The following SQOR variants were observed in gnomAD, a reference collection of about 807,000 sequenced individuals.
SQOR encodes sulfide:quinone oxidoreductase, mitochondrial.
Under a neutral mutation model 48.6 loss-of-function variants are expected in SQOR, and 39 were observed. The ratio of observed to expected loss-of-function variants is 0.80; its 90% CI spans 0.62 to 1.05. The LOEUF is 1.05. SQOR is among the 50% of genes least tolerant of loss of function. The probability of loss-of-function intolerance (pLI) is 0.00; values close to 1 mark genes in which losing one functional copy is unlikely to be tolerated. For missense variants in SQOR, 561 were observed against 559.9 expected (o/e 1.00, Z -0.02); for synonymous variants, 220 against 206.2 (o/e 1.07, Z -0.57).
intron 3 of SQOR, among the ~76,000 whole-genome samples, chr15:45,666,730 C>T (rs1179577374): frequency 7.5e-6 from 1 of 133,430 alleles, no homozygotes; most frequent in African/African-American, 2.8e-5. Flanking sequence ...TTTTCCTCTC[C>T]CCTCCCCTTC....
Position 45,690,993 on chromosome 15 carries a change from C to T in SQOR, c.1316C>T (p.Ala439Val), listed in dbSNP as rs1454224569. The T allele has an allele frequency of 5.0e-6, 8 of 1,614,132 alleles. No homozygotes were observed. Among genetic ancestry groups the T allele is most frequent in the South Asian group, 1.1e-5 (1 of 91,074 alleles). Residue 439 changes from alanine to valine, a missense_variant, in exon 10 of 10, where the codon GCG becomes GTG. Transcript: ENST00000260324. ...TACAGGGGTTACTGGGGAGGACCAG[C>T]GTTTCTGCGCAAGTTGTTTCATCTA... ...MMLRGYWGGP[A>V]FLRKLFHLGM...
At chr15:45,650,583 C>A (rs933602445) in intron 1 of SQOR, among the ~76,000 whole-genome samples, 1 of 152,228 alleles carries the variant, frequency 6.6e-6, no homozygotes, top group Admixed American at 6.5e-5. Context: ...ACTGCCACCG[C>A]TCGCTCGGGC....
intron 3 of SQOR, among the ~76,000 whole-genome samples, chr15:45,668,499 A>G (rs1566920453): frequency 6.6e-6 from 1 of 152,204 alleles, no homozygotes; most frequent in Admixed American, 6.5e-5. Flanking sequence ...CCTCATGCAC[A>G]CTATGCTGGG....
upstream of SQOR, among the ~76,000 whole-genome samples, chr15:45,632,329 C>T (rs1194935336): frequency 6.6e-6 from 1 of 151,884 alleles, no homozygotes. Flanking sequence ...AAGCAATTCT[C>T]CTGCCTCAGC....
chr15:45,666,184 GCTACTCATCTTTA>G (rs1889813366), intron 3 of SQOR, among the ~76,000 whole-genome samples: 1 of 152,116 alleles, frequency 6.6e-6, no homozygotes, highest in Non-Finnish European at 1.5e-5. Flanking sequence ...CTAGCTAACT[GCTACTCATCTTTA>G]GCTTCGATAT....
Position 45,682,593 on chromosome 15 carries a change from G to A in SQOR, c.980G>A (p.Arg327Lys), listed in dbSNP as rs940064294. 1.9e-6 allele frequency: 3 copies of A among 1,614,062 alleles called. No homozygotes were observed. Among genetic ancestry groups the A allele is most frequent in the Admixed American group, 3.3e-5 (2 of 59,988 alleles). ...DVDKETLQHR[R>K]YPNVFGIGDC... ...GATAAAGAAACTCTGCAACACAGGA[G>A]GTACCCAAATGTGTTTGGGATTGGG... The change falls in exon 7 of 10, where the codon AGG becomes AAG. Residue 327 changes from arginine (R) to lysine (K), a missense_variant. By Grantham distance (26) the Arg-to-Lys change is conservative. Transcript: ENST00000260324.
At chr15:45,654,031 G>C (rs1278471457) in intron 1 of SQOR, among the ~76,000 whole-genome samples, 2 of 151,034 alleles carry the variant, frequency 1.3e-5, no homozygotes, top group African/African-American at 2.4e-5. Flanking sequence ...CTGAAATGGG[G>C]AAATCGCTTG....
chr15:45,648,885 G>C (rs1427830379), intron 1 of SQOR, among the ~76,000 whole-genome samples: 2 of 152,354 alleles, frequency 1.3e-5, no homozygotes, highest in Non-Finnish European at 2.9e-5. Context: ...GGTTGGCCCT[G>C]TGGTTATTGA....
At chr15:45,685,349 C>T (rs1890204013) in intron 7 of SQOR, among the ~76,000 whole-genome samples, 1 of 152,146 alleles carries the variant, frequency 6.6e-6, no homozygotes, top group Non-Finnish European at 1.5e-5. Flanking sequence ...TACTTGCCAC[C>T]AATCCTCTGT....
At position 45,659,043 on chromosome 15, in the gene SQOR, C is replaced by T; in HGVS notation, c.120C>T (p.Ala40=). Residue 40 remains alanine, a synonymous_variant, in exon 2 of 10, where the codon GCC becomes GCT. Coordinates refer to ENST00000260324, the MANE Select transcript of SQOR (RefSeq NM_021199.4). ...LQLHTGASHA[A]RNHYEVLVLG... ...TGCACACCGGGGCCAGCCATGCGGC[C>T]AGGAACCATTATGAGGTGCTGGTGC... The T allele has an allele frequency of 6.2e-7, 1 of 1,600,488 alleles. No individual in the cohort carries two copies. Among genetic ancestry groups the T allele is most frequent in the Non-Finnish European group, 8.5e-7 (1 of 1,173,972 alleles).
At chr15:45,661,289 T>TAAAAAACAAAAAA (rs777334925) in intron 2 of SQOR, among the ~76,000 whole-genome samples, 1 of 84,376 alleles carries the variant, frequency 1.2e-5, no homozygotes, top group African/African-American at 4.6e-5. Flanking sequence ...AGACTCTGTC[T>TAAAAAACAAAAAA]TAAAAAAAAA....
chr15:45,660,014 G>A (rs1268946462), intron 2 of SQOR, among the ~76,000 whole-genome samples: 3 of 152,206 alleles, frequency 2.0e-5, no homozygotes, highest in African/African-American at 7.2e-5. Flanking sequence ...AAATGCAAGG[G>A]CAGATTATAA....
intron 7 of SQOR, 67 bp from the exon 8 acceptor site, chr15:45,688,270 T>C: frequency 8.7e-7 from 1 of 1,148,512 alleles, no homozygotes; most frequent in Non-Finnish European, 1.3e-6. Context: ...TTAAAGTTAT[T>C]TGCAAATTAG....
At chr15:45,663,237 C>T (rs1397659481) in intron 3 of SQOR, among the ~76,000 whole-genome samples, 3 of 151,972 alleles carry the variant, frequency 2.0e-5, no homozygotes, top group Admixed American at 6.6e-5. Flanking sequence ...CAGGCTGGCT[C>T]GAACTCTTGA....
Position 45,688,393 on chromosome 15 carries a change from C to T in SQOR, c.1105C>T (p.Pro369Ser), listed in dbSNP as rs767749372. 4 of 1,605,708 alleles carry T rather than the reference C, an allele frequency of 2.5e-6. No individual in the cohort carries two copies. The Admixed American group carries it at 5.1e-5, about 21-fold the overall frequency. The change falls in exon 8 of 10, where the codon CCA becomes TCA. Residue 369 changes from proline to serine, a missense_variant. By Grantham distance (74) the Pro-to-Ser change is moderately conservative. Transcript: ENST00000260324. ...TISVIMKNQT[P>S]TKKYDGYTSC... is the part of the protein sequence containing the mutation. ...TTCTGTAATTATGAAGAATCAAACACCAACAAAGAAGGTTTGTATGCCTTG... is the reference window on the plus strand; with the variant it reads ...TTCTGTAATTATGAAGAATCAAACATCAACAAAGAAGGTTTGTATGCCTTG...
At chr15:45,670,189 TTTAA>T (rs1221665604) in intron 4 of SQOR, among the ~76,000 whole-genome samples, 15 of 152,392 alleles carry the variant, frequency 9.8e-5, no homozygotes, top group African/African-American at 3.6e-4. Context: ...AGCTTTAAGC[TTTAA>T]TTAGAGTTCA....
rs1254471583 is a variant in SQOR, at chr15:45,682,515, C to T, written c.902C>T (p.Pro301Leu). The T allele has an allele frequency of 3.1e-6, 5 of 1,614,048 alleles. No homozygotes were observed. The highest frequency in any genetic ancestry group is 4.2e-6 in the Non-Finnish European group (5 of 1,180,028). ...MLHVTPPMSP[P>L]DVLKTSPVAD... ...CATGTCACACCTCCAATGAGCCCACCAGATGTCCTCAAGACCAGTCCTGTG... is the reference window on the plus strand; with the variant it reads ...CATGTCACACCTCCAATGAGCCCACTAGATGTCCTCAAGACCAGTCCTGTG... Residue 301 changes from proline (P) to leucine (L), a missense_variant, in exon 7 of 10, where the codon CCA becomes CTA. Physicochemically the swap from Pro to Leu is moderately conservative, Grantham distance 98. Coordinates refer to ENST00000260324, the MANE Select transcript of SQOR (RefSeq NM_021199.4).
At chr15:45,653,653 T>C (rs183796881) in intron 1 of SQOR, among the ~76,000 whole-genome samples, 2 of 152,272 alleles carry the variant, frequency 1.3e-5, no homozygotes, top group East Asian at 1.9e-4. Flanking sequence ...TTGGTTTTTC[T>C]GGTGACCAGC....
intron 1 of SQOR, among the ~76,000 whole-genome samples, chr15:45,654,539 G>A (rs1244094912): frequency 6.6e-6 from 1 of 152,150 alleles, no homozygotes; most frequent in Non-Finnish European, 1.5e-5. Flanking sequence ...TTGGCTGAGT[G>A]AGGGAAATAT....
Sources: allele counts gnomAD v4.1 joint callset (sites outside exome capture counted in the v4.1 genomes callset), GRCh38; gene constraint gnomAD v4.1.1; transcripts MANE v1.5; gene names NCBI Gene and HGNC (gene_info 2026-07-23, HGNC 2026-07-21).